ADGRL3: variants seen among roughly 807,000 people sequenced by gnomAD.
ADGRL3 encodes the protein calcium-independent alpha-latrotoxin receptor 3.
Under a neutral mutation model 153.5 loss-of-function variants are expected in ADGRL3, and 62 were observed. That is an observed-to-expected ratio of 0.40 (90% CI 0.33 to 0.50). ADGRL3 has a LOEUF of 0.50. Ranked by LOEUF, ADGRL3 falls within the 20% of genes least tolerant of loss-of-function variation. The pLI, the probability that ADGRL3 is intolerant of heterozygous loss-of-function variation, is 0.47. For missense variants in ADGRL3, 1,641 were observed against 1,859.4 expected, an observed-to-expected ratio of 0.88 and a Z score of 2.16; for synonymous variants, 710 against 672.5, an observed-to-expected ratio of 1.06 and a Z score of -0.86.
intron 1 of ADGRL3, among the ~76,000 whole-genome samples, chr4:61,249,256 C>T (rs10007586): frequency 0.75 from 113,392 of 152,086 alleles, 42,418 homozygotes; most frequent in East Asian, 0.76. Context: ...GTAAAGGTAA[C>T]ACATTCATAA....
chr4:61,712,343 T>C (rs1362236676), intron 6 of ADGRL3, among the ~76,000 whole-genome samples: 3 of 152,056 alleles, frequency 2.0e-5, no homozygotes, highest in African/African-American at 7.2e-5. Context: ...CTGTGAGGCA[T>C]GATTTTGCCA....
At chr4:61,703,744 A>G (rs2095807867) in intron 6 of ADGRL3, among the ~76,000 whole-genome samples, 1 of 152,142 alleles carries the variant, frequency 6.6e-6, no homozygotes, top group Non-Finnish European at 1.5e-5. Flanking sequence ...CTAAAAAAAG[A>G]CCAAACTGTG....
intron 5 of ADGRL3, among the ~76,000 whole-genome samples, chr4:61,608,971 A>T (rs1292528487): frequency 6.6e-6 from 1 of 152,192 alleles, no homozygotes; most frequent in Admixed American, 6.5e-5. Context: ...AAGGTAAAAA[A>T]GTAATAGTTA....
chr4:61,634,108 T>C (rs1256321303), intron 5 of ADGRL3, among the ~76,000 whole-genome samples: 1 of 152,202 alleles, frequency 6.6e-6, no homozygotes, highest in African/African-American at 2.4e-5. Flanking sequence ...ATACTTCGAC[T>C]TGACATCTAT....
At chr4:61,470,922 T>C (rs2097943680) in intron 2 of ADGRL3, among the ~76,000 whole-genome samples, 1 of 151,964 alleles carries the variant, frequency 6.6e-6, no homozygotes, top group Admixed American at 6.6e-5. Flanking sequence ...TTACAAATTT[T>C]TAAAGTTGCA....
At chr4:61,582,166 T>A (rs948056757) in intron 4 of ADGRL3, among the ~76,000 whole-genome samples, 2 of 152,044 alleles carry the variant, frequency 1.3e-5, no homozygotes, top group Non-Finnish European at 2.9e-5. Flanking sequence ...GCTGTAGCTC[T>A]TATTATTTTT....
At chr4:61,665,397 C>T (rs148996370) in intron 5 of ADGRL3, among the ~76,000 whole-genome samples, 59 of 151,836 alleles carry the variant, frequency 3.9e-4, no homozygotes, top group Middle Eastern at 3.4e-3. Flanking sequence ...GGTGACAAAG[C>T]GAAACTGTCT....
At chr4:61,812,800 CAG>C (rs2097646032) in intron 8 of ADGRL3, among the ~76,000 whole-genome samples, 1 of 152,080 alleles carries the variant, frequency 6.6e-6, no homozygotes, top group Non-Finnish European at 1.5e-5. Context: ...TCTCATAAAA[CAG>C]AAAGTGTATT....
At chr4:61,523,018 T>C (rs1044832166) in intron 4 of ADGRL3, among the ~76,000 whole-genome samples, 1 of 151,678 alleles carries the variant, frequency 6.6e-6, no homozygotes, top group Non-Finnish European at 1.5e-5. Flanking sequence ...GAACAATTTC[T>C]ATTCTCCTGA....
chr4:61,792,578 C>G (rs1201087137), intron 8 of ADGRL3, among the ~76,000 whole-genome samples: 5 of 151,796 alleles, frequency 3.3e-5, no homozygotes, highest in African/African-American at 1.2e-4. Flanking sequence ...CAACCTCTGC[C>G]TCCCTGGTTC....
At chr4:61,879,150 T>C (rs1446445187) in intron 9 of ADGRL3, among the ~76,000 whole-genome samples, 2 of 152,230 alleles carry the variant, frequency 1.3e-5, no homozygotes, top group African/African-American at 4.8e-5. Context: ...AATCTGAATT[T>C]GATTATAATG....
intron 1 of ADGRL3, among the ~76,000 whole-genome samples, chr4:61,327,473 C>T (rs10030989): frequency 0.73 from 110,725 of 151,520 alleles, 40,687 homozygotes; most frequent in East Asian, 0.97. Flanking sequence ...CATTTAAGAA[C>T]GATGAAAACT....
At chr4:61,687,725 T>C (rs191722005) in intron 6 of ADGRL3, among the ~76,000 whole-genome samples, 215 of 152,048 alleles carry the variant, frequency 1.4e-3, no homozygotes, top group African/African-American at 4.0e-3. Context: ...AATGGGTAAA[T>C]AAAGAGTTGT....
At chr4:61,543,787 CT>C (rs2098701566) in intron 4 of ADGRL3, among the ~76,000 whole-genome samples, 1 of 152,154 alleles carries the variant, frequency 6.6e-6, no homozygotes, top group Admixed American at 6.5e-5. Flanking sequence ...TTATTTACTA[CT>C]TTTTTCACAC....
intron 17 of ADGRL3, among the ~76,000 whole-genome samples, chr4:61,949,441 T>A (rs1223775867): frequency 6.6e-6 from 1 of 152,186 alleles, no homozygotes; most frequent in East Asian, 1.9e-4. Flanking sequence ...CTCATGCCTG[T>A]AATCCCAGCA....
intron 6 of ADGRL3, among the ~76,000 whole-genome samples, chr4:61,713,111 G>A (rs1048064006): frequency 2.0e-5 from 3 of 152,188 alleles, no homozygotes; most frequent in Middle Eastern, 3.4e-3. Flanking sequence ...AAATATTAAT[G>A]CATGTTACTA....
At chr4:61,296,444 G>A (rs2150258317) in intron 1 of ADGRL3, among the ~76,000 whole-genome samples, 1 of 143,514 alleles carries the variant, frequency 7.0e-6, no homozygotes, top group South Asian at 2.4e-4. Context: ...TTGATGCCCT[G>A]GTGTGCCTTT....
chr4:61,842,153 A>G (rs2149005433), intron 9 of ADGRL3, among the ~76,000 whole-genome samples: 1 of 152,336 alleles, frequency 6.6e-6, no homozygotes, highest in East Asian at 1.9e-4. Flanking sequence ...TTTTAATACC[A>G]AAAGCAATAA....
intron 2 of ADGRL3, among the ~76,000 whole-genome samples, chr4:61,474,891 A>G (rs2098024586): frequency 6.6e-6 from 1 of 152,144 alleles, no homozygotes; most frequent in Non-Finnish European, 1.5e-5. Context: ...CAAGATTTTG[A>G]AGTTGCCGGT....
Sources: allele counts gnomAD v4.1 joint callset (sites outside exome capture counted in the v4.1 genomes callset), GRCh38; gene constraint gnomAD v4.1.1; transcripts MANE v1.5; gene names NCBI Gene and HGNC (gene_info 2026-07-23, HGNC 2026-07-21).